SPOCK3: variants seen among roughly 807,000 people sequenced by gnomAD.
The protein encoded by SPOCK3 is SPARC (osteonectin), cwcv and kazal like domains proteoglycan 3.
A neutral mutation model predicts 56.6 loss-of-function variants in SPOCK3; 30 were observed. The observed-to-expected ratio is 0.53, with a 90% CI of 0.40 to 0.72. The LOEUF (loss-of-function observed/expected upper bound fraction) is 0.72, where lower values mean the gene tolerates loss of function less well. Among genes scored for constraint, SPOCK3 ranks in the 30% least tolerant of loss-of-function variants. The pLI is 0.00. For synonymous variants in SPOCK3, 196 were observed against 183.3 expected, an observed-to-expected ratio of 1.07 and a Z score of -0.56; for missense variants, 527 against 530.0, an observed-to-expected ratio of 0.99 and a Z score of 0.06.
intron 5 of SPOCK3, among the ~76,000 whole-genome samples, chr4:166,905,116 A>G (rs2127070771): frequency 6.6e-6 from 1 of 152,150 alleles, no homozygotes; most frequent in East Asian, 1.9e-4. Context: ...TTAATTTACT[A>G]CACATAAAAT....
At chr4:166,894,331 T>C (rs1224409073) in intron 5 of SPOCK3, among the ~76,000 whole-genome samples, 8 of 152,112 alleles carry the variant, frequency 5.3e-5, no homozygotes, top group Admixed American at 5.2e-4. Flanking sequence ...GCTTTCTTAA[T>C]TCAGTCAGAG....
intron 4 of SPOCK3, among the ~76,000 whole-genome samples, chr4:166,974,306 C>A (rs1459264365): frequency 2.6e-5 from 4 of 152,014 alleles, no homozygotes; most frequent in Non-Finnish European, 5.9e-5. Context: ...ATATCAAGAT[C>A]ATAGAGTTTG....
chr4:166,751,428 A>G (rs1736362236), intron 8 of SPOCK3, among the ~76,000 whole-genome samples: 1 of 152,174 alleles, frequency 6.6e-6, no homozygotes, highest in Admixed American at 6.6e-5. Flanking sequence ...AGTTGCACTG[A>G]TGATTCTATG....
intron 8 of SPOCK3, among the ~76,000 whole-genome samples, chr4:166,752,569 TATATACACACACACAC>T (rs1256219292): frequency 5.3e-3 from 48 of 9,024 alleles, no homozygotes; most frequent in Admixed American, 0.033. Context: ...TATATATATA[TATATACACACACACAC>T]ACACACACAC....
chr4:167,234,191 A>T lies in SPOCK3; in HGVS notation c.1-18T>A. 1.2e-6 allele frequency: 1 copy of T among 868,098 alleles called. No homozygotes were observed. Among genetic ancestry groups the T allele is most frequent in the Non-Finnish European group, 1.8e-6 (1 of 545,944 alleles). The allele number at this position is 868,098 out of a possible 1,614,324, so 53.8% of individuals were successfully genotyped here. A position where few individuals can be genotyped will look rare whatever the true frequency, so the allele number is the denominator to read the frequency against. The stretch of plus-strand genomic sequence containing the variant: ...TTGAGCATCTGGGAGAGGAGACACA[A>T]CGGGGGGTGGGGGGGCATGTCAGTG... On this transcript the variant is annotated intron_variant, in intron 1 of 10. Coordinates refer to ENST00000357545, the MANE Select transcript of SPOCK3 (RefSeq NM_001040159.2).
chr4:166,774,948 C>A (rs1189959118), intron 7 of SPOCK3, among the ~76,000 whole-genome samples: 1 of 152,156 alleles, frequency 6.6e-6, no homozygotes, highest in Non-Finnish European at 1.5e-5. Context: ...TTTGCAAATA[C>A]CTTCATATCA....
At chr4:167,051,953 T>A (rs1754252296) in intron 3 of SPOCK3, among the ~76,000 whole-genome samples, 1 of 152,204 alleles carries the variant, frequency 6.6e-6, no homozygotes, top group African/African-American at 2.4e-5. Flanking sequence ...TACAATTTAA[T>A]AACATATAAG....
At chr4:166,975,451 A>T (rs1378603904) in intron 4 of SPOCK3, among the ~76,000 whole-genome samples, 3 of 152,172 alleles carry the variant, frequency 2.0e-5, no homozygotes, top group Non-Finnish European at 4.4e-5. Context: ...CACTAATCAC[A>T]TCAGGGTTAA....
intron 2 of SPOCK3, among the ~76,000 whole-genome samples, chr4:167,172,838 G>C (rs1730629622): frequency 6.6e-6 from 1 of 152,060 alleles, no homozygotes; most frequent in South Asian, 2.1e-4. Context: ...ATTCACCAAA[G>C]GTTTCAGGGA....
chr4:167,095,203 A>C (rs1200989576), intron 2 of SPOCK3, among the ~76,000 whole-genome samples: 1 of 152,132 alleles, frequency 6.6e-6, no homozygotes. Flanking sequence ...TGATTAACCA[A>C]ATATCTGGGA....
At chr4:166,925,675 A>C (rs1397120198) in intron 4 of SPOCK3, among the ~76,000 whole-genome samples, 1 of 142,086 alleles carries the variant, frequency 7.0e-6, no homozygotes, top group African/African-American at 2.5e-5. Flanking sequence ...CTCCAAGGTA[A>C]ATTTTTTTTT....
chr4:167,093,695 G>A (rs945731221), intron 2 of SPOCK3, among the ~76,000 whole-genome samples: 1 of 152,086 alleles, frequency 6.6e-6, no homozygotes, highest in African/African-American at 2.4e-5. Context: ...GTCTATTATT[G>A]ATAGGCATTT....
intron 2 of SPOCK3, among the ~76,000 whole-genome samples, chr4:167,118,753 G>A (rs938021741): frequency 6.6e-6 from 1 of 152,112 alleles, no homozygotes. Context: ...GGAAAAAAAA[G>A]AAAACTTGGC....
intron 2 of SPOCK3, among the ~76,000 whole-genome samples, chr4:167,073,273 CAT>C (rs1438905852): frequency 1.5e-4 from 22 of 151,604 alleles, no homozygotes; most frequent in African/African-American, 5.3e-4. Flanking sequence ...ATTTATATAA[CAT>C]AAAAATGTTA....
At chr4:166,844,355 A>C (rs2126846178) in intron 6 of SPOCK3, among the ~76,000 whole-genome samples, 1 of 152,322 alleles carries the variant, frequency 6.6e-6, no homozygotes, top group African/African-American at 2.4e-5. Context: ...CACATACTTT[A>C]TGTCATAGTC....
At chr4:167,153,094 G>T (rs1010712187) in intron 2 of SPOCK3, among the ~76,000 whole-genome samples, 1 of 152,004 alleles carries the variant, frequency 6.6e-6, no homozygotes, top group Non-Finnish European at 1.5e-5. Context: ...TACTATTTTT[G>T]CCATTCTACA....
At chr4:167,131,798 A>T (rs566007098) in intron 2 of SPOCK3, among the ~76,000 whole-genome samples, 1 of 152,330 alleles carries the variant, frequency 6.6e-6, no homozygotes, top group Middle Eastern at 3.4e-3. Context: ...GCTTGAATAG[A>T]ATTTTTTTAA....
chr4:166,764,343 TC>T (rs1460443183), intron 7 of SPOCK3, among the ~76,000 whole-genome samples: 1 of 151,832 alleles, frequency 6.6e-6, no homozygotes, highest in Non-Finnish European at 1.5e-5. Context: ...CTCCCCCCTC[TC>T]CCCACCCCAC....
At chr4:167,103,098 C>A (rs1339797353) in intron 2 of SPOCK3, among the ~76,000 whole-genome samples, 1 of 151,900 alleles carries the variant, frequency 6.6e-6, no homozygotes, top group African/African-American at 2.4e-5. Flanking sequence ...ACACCCTGGG[C>A]CAGAAGGGAA....
Sources: gnomAD v4.1 joint callset for allele counts (sites outside exome capture counted in the v4.1 genomes callset) on GRCh38, gnomAD v4.1.1 for gene constraint, MANE v1.5 for transcripts, NCBI Gene and HGNC (gene_info 2026-07-23, HGNC 2026-07-21) for gene names.